Variants in PLXNA4 observed in about 807,000 individuals in gnomAD.
PLXNA4 encodes plexin A4, also known as plexin-A4.
In PLXNA4, 44 loss-of-function variants were observed where a neutral mutation model predicts 191.8. That is an observed-to-expected ratio of 0.23 (90% CI 0.18 to 0.29). The LOEUF is 0.29. PLXNA4 is among the 10% of genes least tolerant of loss of function. PLXNA4 has a pLI of 1.00. For missense variants in PLXNA4, 1,800 were observed against 2,488.8 expected (o/e 0.72, Z 5.89); for synonymous variants, 1,082 against 1,009.5 (o/e 1.07, Z -1.36).
chr7:132,248,510 T>G (rs1356116168), intron 4 of PLXNA4, among the ~76,000 whole-genome samples: 1 of 152,138 alleles, frequency 6.6e-6, no homozygotes, highest in Non-Finnish European at 1.5e-5. Flanking sequence ...GTCAGTCAAA[T>G]GGAGGAGGGG....
chr7:132,452,061 CA>C (rs1178240132), intron 3 of PLXNA4, among the ~76,000 whole-genome samples: 1 of 152,240 alleles, frequency 6.6e-6, no homozygotes, highest in Non-Finnish European at 1.5e-5. Flanking sequence ...GAAGGACACA[CA>C]AGAGTTTCTT....
chr7:132,460,772 G>T (rs1407023406), intron 3 of PLXNA4, among the ~76,000 whole-genome samples: 8 of 152,032 alleles, frequency 5.3e-5, no homozygotes, highest in Admixed American at 3.3e-4. Context: ...GGATGATTTT[G>T]GTTTTTCAGT....
chr7:132,571,032 A>G (rs1374213965), intron 1 of PLXNA4, among the ~76,000 whole-genome samples: 1 of 151,812 alleles, frequency 6.6e-6, no homozygotes, highest in Non-Finnish European at 1.5e-5. Flanking sequence ...ACTTTTACTC[A>G]CCTCACAGTG....
chr7:132,586,884 T>C (rs1167633929), intron 2 of PLXNA4, among the ~76,000 whole-genome samples: 1 of 152,186 alleles, frequency 6.6e-6, no homozygotes, highest in Non-Finnish European at 1.5e-5. Flanking sequence ...GAGCCATGAT[T>C]GCACCACAGC....
chr7:132,477,499 C>T (rs1048546732), intron 3 of PLXNA4, among the ~76,000 whole-genome samples: 2 of 152,210 alleles, frequency 1.3e-5, no homozygotes, highest in African/African-American at 2.4e-5. Context: ...TGCACATGAA[C>T]GTGAGTTGAA....
intron 3 of PLXNA4, among the ~76,000 whole-genome samples, chr7:132,463,277 C>T (rs918241381): frequency 6.6e-6 from 1 of 152,096 alleles, no homozygotes; most frequent in African/African-American, 2.4e-5. Flanking sequence ...TATTATCCAG[C>T]ACAGGTTAGG....
chr7:132,465,163 T>A (rs1211624131), intron 3 of PLXNA4, among the ~76,000 whole-genome samples: 1 of 151,642 alleles, frequency 6.6e-6, no homozygotes, highest in Non-Finnish European at 1.5e-5. Context: ...ATAGATAGGG[T>A]GATTTCACGA....
intron 3 of PLXNA4, among the ~76,000 whole-genome samples, chr7:132,355,429 C>T (rs73726005): frequency 6.6e-6 from 1 of 152,312 alleles, no homozygotes; most frequent in African/African-American, 2.4e-5. Flanking sequence ...GGACAGCTGA[C>T]GTCAGATTTC....
chr7:132,562,066 CCTCCTCTTCCTCCTCCTCTCCCT>C (rs1563173503), intron 1 of PLXNA4, among the ~76,000 whole-genome samples: 53 of 118,596 alleles, frequency 4.5e-4, no homozygotes, highest in African/African-American at 1.9e-3. Context: ...TCCTCCTTCT[CCTCCTCTTCCTCCTCCTCTCCCT>C]CCTCCTTTCT....
rs112797583 is a variant in PLXNA4, at chr7:132,379,023, A to G, written c.1372-80801T>C. Among the ~76,000 whole-genome samples, 1,299 of 151,858 alleles carry G rather than the reference A, an allele frequency of 8.6e-3. 23 individuals carry two copies. The highest frequency in any genetic ancestry group is 0.03 in the African/African-American group (1,236 of 41,414). On this transcript the variant is annotated intron_variant, in intron 3 of 31. Coordinates refer to ENST00000321063, the MANE Select transcript of PLXNA4 (RefSeq NM_020911.2). Reference sequence around the variant, plus strand: ...ACACTACCACACCCAGCTAATTTTTATATTTTTTATGGAGATGGGGTTTCA... The same window carrying G: ...ACACTACCACACCCAGCTAATTTTTGTATTTTTTATGGAGATGGGGTTTCA...
intron 2 of PLXNA4, among the ~76,000 whole-genome samples, chr7:132,624,225 C>T (rs977511640): frequency 3.3e-5 from 5 of 152,152 alleles, no homozygotes; most frequent in African/African-American, 1.2e-4. Context: ...GGCTCTTTAT[C>T]CTACCCTCAC....
rs1452412069 is a variant in PLXNA4, at chr7:132,179,149, A to T, written c.3874+538T>A. ...TGCGTGCTCACACACGTGCGTGCTC[A>T]CACACACACACACACAGCCTCCAGC... On this transcript the variant is annotated intron_variant, in intron 20 of 31. Coordinates refer to ENST00000321063, the MANE Select transcript of PLXNA4 (RefSeq NM_020911.2). 1.1e-4 allele frequency among the ~76,000 whole-genome samples: 13 copies of T among 119,178 alleles called. 1 individual carries two copies. Among genetic ancestry groups the T allele is most frequent in the African/African-American group, 3.2e-4 (7 of 22,014 alleles). The allele number at this position is 119,178 out of a possible 152,430, so 78.2% of individuals were successfully genotyped here. A position where few individuals can be genotyped will look rare whatever the true frequency, so the allele number is the denominator to read the frequency against.
chr7:132,199,737 G>A (rs1233737528), intron 12 of PLXNA4, among the ~76,000 whole-genome samples: 1 of 152,210 alleles, frequency 6.6e-6, no homozygotes, highest in Non-Finnish European at 1.5e-5. Context: ...GAAAGATGGG[G>A]GAAGCAGAAG....
In PLXNA4 at chr7:132,508,606, G is replaced by C; in HGVS notation, c.88C>G (p.Pro30Ala). Residue 30 changes from proline to alanine, a missense_variant, in exon 2 of 32, where the codon CCA (proline) becomes GCA (alanine). Around this residue, in one of 6 missense-constraint regions of PLXNA4, gnomAD observed 1,397 missense variants for 1,880.4 expected, o/e 0.74. Transcript: ENST00000321063. This position sits in a 1 kb window ranked among gnomAD's most constrained non-coding sequence, Gnocchi z 4.4. Reference sequence around the variant, plus strand: ...CGCTGCTTCTGGGACAGCGGGGCTGGCTGCCGGGTGAGCAAAGTGGAGGAG... The same window carrying C: ...CGCTGCTTCTGGGACAGCGGGGCTGCCTGCCGGGTGAGCAAAGTGGAGGAG... The part of the protein sequence containing the change: ...MGSSTLLTRQ[P>A]APLSQKQRSF... The C allele has an allele frequency of 6.2e-7, 1 of 1,612,574 alleles. No individual in the cohort carries two copies. The highest frequency in any genetic ancestry group is 8.5e-7 in the Non-Finnish European group (1 of 1,179,138).
intron 3 of PLXNA4, among the ~76,000 whole-genome samples, chr7:132,479,881 T>A (rs997624175): frequency 1.3e-5 from 2 of 152,106 alleles, no homozygotes; most frequent in African/African-American, 4.8e-5. Flanking sequence ...TGGTCTGAAA[T>A]CCCTGGCCTC....
chr7:132,222,553 C>T (rs1400446774), intron 9 of PLXNA4, among the ~76,000 whole-genome samples: 1 of 152,012 alleles, frequency 6.6e-6, no homozygotes, highest in Non-Finnish European at 1.5e-5. Context: ...GCCACATGGT[C>T]ATGACACCTG....
chr7:132,199,520 C>T (rs1797364380), intron 12 of PLXNA4, among the ~76,000 whole-genome samples: 1 of 152,196 alleles, frequency 6.6e-6, no homozygotes. Context: ...GTACAGTTAA[C>T]ACAATCTCAT....
chr7:132,268,450 C>G (rs1169991997), intron 4 of PLXNA4, among the ~76,000 whole-genome samples: 1 of 152,206 alleles, frequency 6.6e-6, no homozygotes, highest in Non-Finnish European at 1.5e-5. Flanking sequence ...ATTTTACCCT[C>G]ATCCAGTTTC....
At chr7:132,525,249 G>A (rs1362091711) in intron 1 of PLXNA4, among the ~76,000 whole-genome samples, 1 of 152,126 alleles carries the variant, frequency 6.6e-6, no homozygotes, top group East Asian at 1.9e-4. Context: ...ACAACATGGT[G>A]TCTTTTTGTT....
Sources: gnomAD v4.1 joint callset for allele counts (sites outside exome capture counted in the v4.1 genomes callset) on GRCh38, gnomAD v4.1.1 for gene constraint, gnomAD v4.1.1 regional missense constraint, Gnocchi (gnomAD v3.1) non-coding constraint, MANE v1.5 for transcripts, NCBI Gene and HGNC (gene_info 2026-07-23, HGNC 2026-07-21) for gene names.